ARHGEF33: variants seen among roughly 807,000 people sequenced by gnomAD.
ARHGEF33 encodes DH and coiled-coil domain-containing protein ENSP00000381780.
ARHGEF33 carries 72 observed loss-of-function variants against 101.9 expected under a neutral mutation model. The observed-to-expected ratio is 0.71, with a 90% CI of 0.58 to 0.86. ARHGEF33 has a LOEUF of 0.86. ARHGEF33 is among the 40% of genes least tolerant of loss of function. The pLI is 0.00. For synonymous variants in ARHGEF33, 499 were observed against 442.5 expected (o/e 1.13, Z -1.60); for missense variants, 1,169 against 1,111.3 (o/e 1.05, Z -0.74).
At chr2:38,944,138 T>C (rs1223789258) in intron 10 of ARHGEF33, 108 bp downstream of exon 10, 3 of 1,199,108 alleles carry the variant, frequency 2.5e-6, no homozygotes, top group Non-Finnish European at 3.4e-6. Flanking sequence ...GTTCCAGAAA[T>C]AGTCTTTGAA....
Position 38,936,295 on chromosome 2 carries a change from C to T in ARHGEF33, c.565+461C>T, listed in dbSNP as rs1667127979. 3.3e-5 allele frequency among the ~76,000 whole-genome samples: 5 copies of T among 152,136 alleles called. No individual in the cohort carries two copies. In the South Asian group the frequency reaches 1.0e-3, roughly 31 times the overall value. ...AAAAGGATTTACTTAATTGACAATT[C>T]ACCAGGATTTTATAAATTATTTAAG... is the stretch of plus-strand genomic sequence containing the variant. On this transcript the variant is annotated intron_variant, in intron 8 of 17. Transcript: ENST00000409978.
chr2:38,964,248 C>T (rs1050704095), intron 16 of ARHGEF33, among the ~76,000 whole-genome samples: 1 of 152,044 alleles, frequency 6.6e-6, no homozygotes, highest in African/African-American at 2.4e-5. Context: ...TGACTTTAAT[C>T]CAGAACGTAT....
chr2:38,952,583 A>G (rs1273853025), intron 11 of ARHGEF33, among the ~76,000 whole-genome samples: 1 of 152,198 alleles, frequency 6.6e-6, no homozygotes, highest in Non-Finnish European at 1.5e-5. Context: ...TTCAACTTAC[A>G]TGAACCTCCC....
At chr2:38,948,000 G>C (rs189137223) in intron 10 of ARHGEF33, among the ~76,000 whole-genome samples, 1 of 151,912 alleles carries the variant, frequency 6.6e-6, no homozygotes, top group Non-Finnish European at 1.5e-5. Context: ...TTCCCTCATT[G>C]ATTAAGTACT....
chr2:38,934,176 C>T (rs1484708948), intron 7 of ARHGEF33, among the ~76,000 whole-genome samples: 1 of 152,140 alleles, frequency 6.6e-6, no homozygotes, highest in Non-Finnish European at 1.5e-5. Flanking sequence ...TTTTTGGTAC[C>T]CTTGATACCC....
chr2:38,960,759 G>C, intron 16 of ARHGEF33, 111 bp downstream of exon 16: 1 of 913,476 alleles, frequency 1.1e-6, no homozygotes. Flanking sequence ...GGCCAGGCTA[G>C]GGGGCGGCTG....
intron 3 of ARHGEF33, among the ~76,000 whole-genome samples, chr2:38,920,175 C>A (rs150749774): frequency 1.3e-5 from 2 of 152,126 alleles, no homozygotes; most frequent in African/African-American, 4.8e-5. Flanking sequence ...ATATACACAT[C>A]CACACAACCA....
chr2:38,967,368 A>T (rs937297704), intron 17 of ARHGEF33, among the ~76,000 whole-genome samples: 4 of 152,090 alleles, frequency 2.6e-5, no homozygotes, highest in Non-Finnish European at 5.9e-5. Flanking sequence ...ATTCTCTCTC[A>T]GTTTTGCTAA....
Position 38,957,817 on chromosome 2 carries a change from TC to T in ARHGEF33, c.1371-212del. On this transcript the variant is annotated intron_variant, in intron 14 of 17. Coordinates refer to ENST00000409978, the MANE Select transcript of ARHGEF33 (RefSeq NM_001145451.5). Reference sequence around the variant, plus strand: ...CTGTCTCTCCATACCCCCAACCCCTTCCCCCAAGCTCTTTTCAGCCAGTGAA... The same window carrying T: ...CTGTCTCTCCATACCCCCAACCCCTTCCCCAAGCTCTTTTCAGCCAGTGAA... 3 of 545,644 alleles carry T rather than the reference TC, an allele frequency of 5.5e-6. 1 individual carries two copies. Among genetic ancestry groups the T allele is most frequent in the Non-Finnish European group, 9.7e-6 (3 of 308,364 alleles). The allele number at this position is 545,644 out of a possible 1,614,324, so 33.8% of individuals were successfully genotyped here.
intron 4 of ARHGEF33, among the ~76,000 whole-genome samples, chr2:38,922,171 A>G (rs1237827647): frequency 6.6e-6 from 1 of 152,208 alleles, no homozygotes; most frequent in South Asian, 2.1e-4. Context: ...AATTTGTAAT[A>G]TAAAAGCAGC....
At chr2:38,962,384 TG>T (rs1457604977) in intron 16 of ARHGEF33, among the ~76,000 whole-genome samples, 1 of 152,202 alleles carries the variant, frequency 6.6e-6, no homozygotes, top group Non-Finnish European at 1.5e-5. Context: ...GTGAAAAATT[TG>T]GGGTTCAACA....
intron 2 of ARHGEF33, among the ~76,000 whole-genome samples, chr2:38,908,961 G>A (rs746303530): frequency 6.6e-6 from 1 of 152,206 alleles, no homozygotes; most frequent in South Asian, 2.1e-4. Flanking sequence ...AGTAAAAAGC[G>A]TGTTTCACTG....
chr2:38,967,045 A>T (rs1668065462), intron 17 of ARHGEF33, among the ~76,000 whole-genome samples: 1 of 152,208 alleles, frequency 6.6e-6, no homozygotes, highest in African/African-American at 2.4e-5. Flanking sequence ...ATTTTAGTAG[A>T]TGGAAAAGTT....
Position 38,943,969 on chromosome 2 carries a change from A to T in ARHGEF33, c.859A>T (p.Ile287Phe). The T allele has an allele frequency of 6.4e-7, 1 of 1,551,724 alleles. No homozygotes were observed. Among genetic ancestry groups the T allele is most frequent in the Non-Finnish European group, 8.7e-7 (1 of 1,146,930 alleles). The change falls in exon 10 of 18, where the codon ATC becomes TTC. Residue 287 changes from isoleucine to phenylalanine, a missense_variant. Ile to Phe is a conservative substitution (Grantham distance 21, BLOSUM62 0). Transcript: ENST00000409978. ...ERKYVINISL[I>F]LKIKATFQGS... ...AAAATATGTCATTAACATCTCTCTGATCTTGAAGATAAAAGCCACATTCCA... is the reference window on the plus strand; with the variant it reads ...AAAATATGTCATTAACATCTCTCTGTTCTTGAAGATAAAAGCCACATTCCA...
chr2:38,946,357 A>G (rs1053615233), intron 10 of ARHGEF33, among the ~76,000 whole-genome samples: 1 of 152,220 alleles, frequency 6.6e-6, no homozygotes, highest in Non-Finnish European at 1.5e-5. Flanking sequence ...ACAATCCTCT[A>G]TGAAAGTAAG....
At position 38,951,138 on chromosome 2, in the gene ARHGEF33, C is replaced by G; in HGVS notation, c.1053+17C>G. The G allele has an allele frequency of 6.5e-7, 1 of 1,549,690 alleles. No homozygotes were observed. Among genetic ancestry groups the G allele is most frequent in the East Asian group, 2.4e-5 (1 of 40,866 alleles). On this transcript the variant is annotated intron_variant, in intron 11 of 17. Transcript: ENST00000409978. ...AATGACGAGGTAAGGTTTTTTCTGC[C>G]CCTCTATACATTTTACTTATACGGA... is the stretch of plus-strand genomic sequence containing the variant.
chr2:38,933,423 G>T (rs186427834), intron 7 of ARHGEF33, among the ~76,000 whole-genome samples: 3 of 151,422 alleles, frequency 2.0e-5, no homozygotes, highest in Admixed American at 2.0e-4. Flanking sequence ...TGCTCTTGCC[G>T]CCCAGGCTGG....
intron 5 of ARHGEF33, among the ~76,000 whole-genome samples, chr2:38,929,292 G>A (rs1666941742): frequency 1.3e-5 from 2 of 152,162 alleles, no homozygotes; most frequent in African/African-American, 4.8e-5. Flanking sequence ...AGCCGGGTGT[G>A]GTGGCAGGCG....
intron 16 of ARHGEF33, among the ~76,000 whole-genome samples, chr2:38,964,304 C>G (rs771655168): frequency 3.9e-5 from 6 of 152,086 alleles, no homozygotes; most frequent in Non-Finnish European, 7.3e-5. Context: ...CCACCAGATG[C>G]AGCTGTACCA....
Sources: gnomAD v4.1 joint callset for allele counts (sites outside exome capture counted in the v4.1 genomes callset) on GRCh38, gnomAD v4.1.1 for gene constraint, MANE v1.5 for transcripts, NCBI Gene and HGNC (gene_info 2026-07-23, HGNC 2026-07-21) for gene names.